Variants in TNRC6C observed in about 807,000 individuals in gnomAD.
TNRC6C encodes the protein trinucleotide repeat-containing gene 6C protein.
A neutral mutation model predicts 153.7 loss-of-function variants in TNRC6C; 20 were observed. That is an observed-to-expected ratio of 0.13 (90% CI 0.09 to 0.19). The LOEUF is 0.19. Among genes scored for constraint, TNRC6C ranks in the 10% least tolerant of loss-of-function variants. The pLI is 1.00. For missense variants in TNRC6C, 1,987 were observed against 2,172.0 expected, an observed-to-expected ratio of 0.91 and a Z score of 1.69; for synonymous variants, 811 against 841.4, an observed-to-expected ratio of 0.96 and a Z score of 0.63.
intron 8 of TNRC6C, among the ~76,000 whole-genome samples, chr17:78,076,584 A>C (rs2073089715): frequency 6.6e-6 from 1 of 152,270 alleles, no homozygotes. Flanking sequence ...CTAATCTGGC[A>C]ACCCTAAATT....
At chr17:78,088,741 C>T (rs1329411171) in intron 13 of TNRC6C, among the ~76,000 whole-genome samples, 1 of 151,422 alleles carries the variant, frequency 6.6e-6, no homozygotes, top group Non-Finnish European at 1.5e-5. Context: ...GCTGTGATTA[C>T]AGGCATGAGC....
chr17:77,970,626 T>G (rs145483444), intron 1 of TNRC6C, among the ~76,000 whole-genome samples: 1 of 152,112 alleles, frequency 6.6e-6, no homozygotes, highest in African/African-American at 2.4e-5. Context: ...CAAAACAAAT[T>G]AATAAACTTT....
At chr17:78,026,441 G>T (rs1200247750) in intron 1 of TNRC6C, among the ~76,000 whole-genome samples, 1 of 152,124 alleles carries the variant, frequency 6.6e-6, no homozygotes, top group Admixed American at 6.5e-5. Context: ...ACTATTTTAT[G>T]TACCACTAAG....
intron 10 of TNRC6C, among the ~76,000 whole-genome samples, chr17:78,080,402 C>T (rs1387632856): frequency 1.3e-5 from 2 of 152,006 alleles, no homozygotes; most frequent in African/African-American, 2.4e-5. Flanking sequence ...GCCAAGATCA[C>T]ACCATTGCAC....
intron 11 of TNRC6C, 139 bp downstream of exon 13, chr17:78,083,305 T>A (rs1212090854): frequency 2.5e-6 from 3 of 1,219,940 alleles, no homozygotes; most frequent in Admixed American, 4.9e-5. Context: ...TTTAAACTCT[T>A]CATGAGTTAG....
intron 18 of TNRC6C, chr17:78,102,788 C>A: frequency 2.0e-6 from 1 of 504,902 alleles, no homozygotes; most frequent in East Asian, 3.5e-5. Flanking sequence ...CCACCAGAGG[C>A]TGGAAAAGTG....
At chr17:78,092,973 G>C in exon 15 of TNRC6C, 7 of 1,613,920 alleles carry the variant, frequency 4.3e-6, no homozygotes, top group Non-Finnish European at 5.9e-6. Context: ...CTCCAGGTAA[G>C]TCCTCCATTG....
At chr17:78,015,693 C>T (rs1268524959) in intron 1 of TNRC6C, among the ~76,000 whole-genome samples, 4 of 152,172 alleles carry the variant, frequency 2.6e-5, no homozygotes, top group East Asian at 3.8e-4. Flanking sequence ...GGGCGGATCA[C>T]CTGAGGTCAG....
chr17:78,049,669 A>G lies in TNRC6C; in HGVS notation c.607A>G (p.Asn203Asp), dbSNP rs1292278164. Reference sequence around the variant, plus strand: ...CAACCCTATCAATGCAATGCAGACAAATGGACTGCCAAACTGGGGCATGGC... The same window carrying G: ...CAACCCTATCAATGCAATGCAGACAGATGGACTGCCAAACTGGGGCATGGC... Residue 203 changes from asparagine (N) to aspartate (D), a missense_variant, in exon 3 of 20, where the codon AAT (asparagine) becomes GAT (aspartate). Asn to Asp is a conservative substitution (Grantham distance 23). Coordinates refer to ENST00000301624, the Ensembl canonical transcript of TNRC6C. The surrounding 1 kb of genome is among the most constrained non-coding windows in gnomAD (Gnocchi z 4.1). 1.9e-6 allele frequency: 3 copies of G among 1,611,970 alleles called. No individual in the cohort carries two copies. Among genetic ancestry groups the G allele is most frequent in the East Asian group, 4.5e-5 (2 of 44,828 alleles).
intron 1 of TNRC6C, among the ~76,000 whole-genome samples, chr17:77,982,075 C>G (rs2071086740): frequency 1.3e-5 from 2 of 152,190 alleles, no homozygotes; most frequent in Non-Finnish European, 2.9e-5. Flanking sequence ...TGTCTACTCT[C>G]TGCCATATGG....
chr17:78,090,444 G>A (rs755972642), intron 13 of TNRC6C, among the ~76,000 whole-genome samples: 4 of 152,204 alleles, frequency 2.6e-5, no homozygotes, highest in Non-Finnish European at 5.9e-5. Context: ...CTGTGCTTAC[G>A]TACCGTGTGG....
chr17:77,961,318 G>A (rs1299962838), intron 1 of TNRC6C, among the ~76,000 whole-genome samples: 1 of 152,104 alleles, frequency 6.6e-6, no homozygotes, highest in African/African-American at 2.4e-5. Flanking sequence ...GCCACGCCCG[G>A]CTAATTTTTG....
intron 1 of TNRC6C, among the ~76,000 whole-genome samples, chr17:77,993,921 C>T (rs760315691): frequency 2.6e-5 from 4 of 151,744 alleles, no homozygotes; most frequent in African/African-American, 4.8e-5. Flanking sequence ...GGCTGGGCAC[C>T]GTGTCTCCCG....
intron 5 of TNRC6C, among the ~76,000 whole-genome samples, chr17:78,070,331 C>T (rs990702642): frequency 6.6e-6 from 1 of 152,210 alleles, no homozygotes; most frequent in Non-Finnish European, 1.5e-5. Flanking sequence ...GCTCCATATG[C>T]TCCATGATAT....
intron 2 of TNRC6C, among the ~76,000 whole-genome samples, chr17:78,041,421 C>A (rs2072292511): frequency 6.6e-6 from 1 of 152,134 alleles, no homozygotes. Flanking sequence ...TCCTTTGCCC[C>A]CAGTTTCCTT....
intron 9 of TNRC6C, among the ~76,000 whole-genome samples, chr17:78,078,991 A>G (rs111778364): frequency 0.011 from 1,741 of 152,006 alleles, 19 homozygotes; most frequent in South Asian, 0.037. Context: ...TCCTCGGGAG[A>G]CTGAGACAGA....
At chr17:78,006,540 CTT>C (rs1469050727) in intron 1 of TNRC6C, among the ~76,000 whole-genome samples, 10 of 135,586 alleles carry the variant, frequency 7.4e-5, no homozygotes, top group African/African-American at 2.4e-4. Flanking sequence ...TCTTCTTCTT[CTT>C]CTTCTTCTTC....
intron 1 of TNRC6C, among the ~76,000 whole-genome samples, chr17:78,017,639 A>G (rs1047129266): frequency 3.3e-5 from 5 of 152,230 alleles, no homozygotes; most frequent in Admixed American, 3.3e-4. Context: ...CCAGGCAGGA[A>G]CACTGAGGAG....
chr17:78,021,948 T>C (rs2071841003), intron 1 of TNRC6C, among the ~76,000 whole-genome samples: 1 of 152,360 alleles, frequency 6.6e-6, no homozygotes, highest in African/African-American at 2.4e-5. Context: ...ATTTTTCCTC[T>C]GGAAGGTTTC....
Sources: allele counts gnomAD v4.1 joint callset (sites outside exome capture counted in the v4.1 genomes callset), GRCh38; gene constraint gnomAD v4.1.1; non-coding constraint Gnocchi (gnomAD v3.1); transcripts MANE v1.5; gene names NCBI Gene and HGNC (gene_info 2026-07-23, HGNC 2026-07-21).